The following PTPRD variants were observed in gnomAD, a reference collection of about 807,000 sequenced individuals.
PTPRD encodes protein tyrosine phosphatase receptor type D, also known as receptor-type tyrosine-protein phosphatase delta.
In PTPRD, 34 loss-of-function variants were observed where a neutral mutation model predicts 214.5. That is an observed-to-expected ratio of 0.16 (90% confidence interval 0.12 to 0.21). The LOEUF (loss-of-function observed/expected upper bound fraction) is 0.21, where lower values mean the gene tolerates loss of function less well. PTPRD is among the 10% of genes least tolerant of loss of function. The probability of loss-of-function intolerance (pLI) is 1.00; values close to 1 mark genes in which losing one functional copy is unlikely to be tolerated. For synonymous variants in PTPRD, 1,128 were observed against 845.7 expected (o/e 1.33, Z -5.79); for missense variants, 2,545 against 2,398.7 (o/e 1.06, Z -1.27).
chr9:9,720,496 T>G (rs866769297), intron 7 of PTPRD, among the ~76,000 whole-genome samples: 1 of 152,160 alleles, frequency 6.6e-6, no homozygotes, highest in African/African-American at 2.4e-5. Flanking sequence ...AGGACAGACT[T>G]AGAAAATACT....
intron 2 of PTPRD, among the ~76,000 whole-genome samples, chr9:10,483,425 T>G (rs1215252094): frequency 6.6e-6 from 1 of 151,360 alleles, no homozygotes; most frequent in Non-Finnish European, 1.5e-5. Flanking sequence ...AATAAATAAA[T>G]GAGACCTACT....
chr9:8,319,526 T>C (rs7861545), intron 45 of PTPRD, among the ~76,000 whole-genome samples: 30,884 of 151,768 alleles, frequency 0.2, 6,827 homozygotes, highest in African/African-American at 0.56. Context: ...TATATTTATA[T>C]TATAGGACTA....
rs555547366 is a variant in PTPRD at position 8,935,371 on chromosome 9, C to T, written c.-104+83326G>A. On this transcript the variant is annotated intron_variant, in intron 11 of 45. Transcript: ENST00000381196. ...CAATAGCATCTCAAGAACAAACAAA[C>T]AAACAATACAACCTTAAGGATAAAT... Among the ~76,000 whole-genome samples, 192 of 151,832 alleles carry T rather than the reference C, an allele frequency of 1.3e-3. 1 individual carries two copies. Among genetic ancestry groups the T allele is most frequent in the African/African-American group, 4.3e-3 (180 of 41,408 alleles).
chr9:9,825,324 G>C (rs1428330190), intron 5 of PTPRD, among the ~76,000 whole-genome samples: 4 of 151,130 alleles, frequency 2.6e-5, no homozygotes, highest in East Asian at 1.9e-4. Flanking sequence ...GAGAAAGAAA[G>C]AGAGAGAGAA....
chr9:9,095,150 A>G (rs2099781703), intron 10 of PTPRD, among the ~76,000 whole-genome samples: 1 of 152,148 alleles, frequency 6.6e-6, no homozygotes, highest in African/African-American at 2.4e-5. Flanking sequence ...AGCTAATTTC[A>G]CACTTAATGT....
chr9:10,278,886 T>G (rs989191770), intron 3 of PTPRD, among the ~76,000 whole-genome samples: 4 of 152,120 alleles, frequency 2.6e-5, no homozygotes, highest in African/African-American at 4.8e-5. Flanking sequence ...GCCATTCTCC[T>G]GCCTCAGCCT....
intron 11 of PTPRD, among the ~76,000 whole-genome samples, chr9:8,775,740 T>C (rs1045606454): frequency 3.3e-5 from 5 of 152,072 alleles, no homozygotes; most frequent in Admixed American, 2.0e-4. Context: ...TCCCAGCACT[T>C]TGGGAGGCCA....
intron 11 of PTPRD, chr9:8,857,783 C>CCCCCCTGGTCGCCGCCGCCGCG (rs1566658382): frequency 7.0e-5 from 11 of 156,712 alleles, no homozygotes; most frequent in Admixed American, 4.6e-4. Flanking sequence ...CCGCCGCCGC[C>CCCCCCTGGTCGCCGCCGCCGCG]GAAGCCCCCC....
Position 9,628,770 on chromosome 9 carries a change from T to C in PTPRD, c.-286-53989A>G, listed in dbSNP as rs111344115. Among the ~76,000 whole-genome samples the C allele has an allele frequency of 1.3e-4, 20 of 152,204 alleles. 1 individual carries two copies. The highest frequency in any genetic ancestry group is 4.8e-4 in the African/African-American group (20 of 41,528). Reference sequence around the variant, plus strand: ...CCATGATTATGTAATCTCAATACTCTATGAAATTTCTATACATTTTTATAG... The same window carrying C: ...CCATGATTATGTAATCTCAATACTCCATGAAATTTCTATACATTTTTATAG... On this transcript the variant is annotated intron_variant, in intron 7 of 45. Coordinates refer to ENST00000381196, the MANE Select transcript of PTPRD (RefSeq NM_002839.4).
At chr9:10,295,911 C>A (rs552057779) in intron 3 of PTPRD, among the ~76,000 whole-genome samples, 1 of 152,122 alleles carries the variant, frequency 6.6e-6, no homozygotes, top group East Asian at 1.9e-4. Flanking sequence ...GAGCAATTAA[C>A]GGCTTCCTCA....
At chr9:9,591,141 C>G (rs547086032) in intron 7 of PTPRD, among the ~76,000 whole-genome samples, 2 of 146,436 alleles carry the variant, frequency 1.4e-5, no homozygotes, top group Non-Finnish European at 3.0e-5. Context: ...TCTAATCACA[C>G]GAATCCTTAA....
chr9:10,118,513 C>T (rs1041594154), intron 3 of PTPRD, among the ~76,000 whole-genome samples: 77 of 151,498 alleles, frequency 5.1e-4, no homozygotes, highest in African/African-American at 1.8e-3. Context: ...ATATACTACT[C>T]AATATTATAG....
At chr9:9,808,091 T>A (rs774076087) in intron 5 of PTPRD, among the ~76,000 whole-genome samples, 45 of 152,322 alleles carry the variant, frequency 3.0e-4, no homozygotes, top group Non-Finnish European at 5.7e-4. Flanking sequence ...TATATGAGAT[T>A]ATGAATCCTT....
At chr9:10,013,284 C>T (rs1238180352) in intron 4 of PTPRD, among the ~76,000 whole-genome samples, 3 of 151,694 alleles carry the variant, frequency 2.0e-5, no homozygotes, top group Non-Finnish European at 4.4e-5. Flanking sequence ...TTTTACTGTG[C>T]TAATGCTGGC....
chr9:8,511,455 C>G (rs1036320438), intron 21 of PTPRD, among the ~76,000 whole-genome samples: 2 of 151,892 alleles, frequency 1.3e-5, no homozygotes, highest in African/African-American at 4.8e-5. Context: ...CCTTCACTTA[C>G]CAGTCCTTTG....
chr9:8,369,210 T>C (rs949718979), intron 39 of PTPRD, among the ~76,000 whole-genome samples: 3 of 152,120 alleles, frequency 2.0e-5, no homozygotes, highest in African/African-American at 4.8e-5. Context: ...TATTAAACAA[T>C]TTTCCACAGC....
intron 9 of PTPRD, among the ~76,000 whole-genome samples, chr9:9,243,209 G>C (rs938244038): frequency 1.3e-5 from 2 of 151,972 alleles, no homozygotes; most frequent in Non-Finnish European, 2.9e-5. Flanking sequence ...TTCTACCAGA[G>C]GTACAAGGAG....
At chr9:9,569,995 A>G (rs934497690) in intron 8 of PTPRD, among the ~76,000 whole-genome samples, 24 of 151,620 alleles carry the variant, frequency 1.6e-4, no homozygotes, top group African/African-American at 5.5e-4. Flanking sequence ...GAAAGTGCTC[A>G]TCAGAACTAG....
At chr9:9,434,291 T>A (rs776174563) in intron 8 of PTPRD, among the ~76,000 whole-genome samples, 1 of 152,144 alleles carries the variant, frequency 6.6e-6, no homozygotes, top group Non-Finnish European at 1.5e-5. Context: ...AATAGCTTAT[T>A]TAATGCACTT....
Sources: allele counts gnomAD v4.1 joint callset (sites outside exome capture counted in the v4.1 genomes callset), GRCh38; gene constraint gnomAD v4.1.1; transcripts MANE v1.5; gene names NCBI Gene and HGNC (gene_info 2026-07-23, HGNC 2026-07-21).